Variants in ZNHIT6 observed in about 807,000 individuals in gnomAD.
ZNHIT6 encodes the protein box C/D snoRNA protein 1.
A neutral mutation model predicts 57.2 loss-of-function variants in ZNHIT6; 45 were observed. The observed-to-expected ratio is 0.79, with a 90% CI of 0.62 to 1.01. ZNHIT6 has a LOEUF of 1.01. ZNHIT6 is among the 50% of genes least tolerant of loss of function. The pLI is 0.00. For synonymous variants in ZNHIT6, 188 were observed against 190.0 expected, an observed-to-expected ratio of 0.99 and a Z score of 0.09; for missense variants, 528 against 567.3, an observed-to-expected ratio of 0.93 and a Z score of 0.70.
At chr1:85,660,806 A>G (rs979384965) in intron 8 of ZNHIT6, among the ~76,000 whole-genome samples, 1 of 152,206 alleles carries the variant, frequency 6.6e-6, no homozygotes, top group African/African-American at 2.4e-5. Context: ...CTAAGGATGC[A>G]AAGATTTATA....
rs573431433 is a variant in ZNHIT6 at position 85,689,108 on chromosome 1, T to C, written c.1020-8204A>G. Among the ~76,000 whole-genome samples the C allele has an allele frequency of 2.8e-3, 434 of 152,318 alleles. 2 individuals are homozygous for C. The highest frequency in any genetic ancestry group is 9.8e-3 in the African/African-American group (407 of 41,576). On this transcript the variant is annotated intron_variant, in intron 5 of 9. Transcript: ENST00000370574. ...ACTAAAATTGTCAACTTGTATGACA[T>C]CTGGAAGCAGCGAATAATACCTGAT...
intron 5 of ZNHIT6, among the ~76,000 whole-genome samples, chr1:85,685,824 GC>G (rs1368277776): frequency 1.3e-5 from 2 of 152,052 alleles, no homozygotes; most frequent in Non-Finnish European, 2.9e-5. Context: ...CTCCCAAAGT[GC>G]TGAGATTACA....
At chr1:85,690,574 T>G (rs1340383616) in intron 5 of ZNHIT6, among the ~76,000 whole-genome samples, 1 of 152,156 alleles carries the variant, frequency 6.6e-6, no homozygotes, top group African/African-American at 2.4e-5. Context: ...CCATGAGTAC[T>G]CCATCACAAC....
intron 5 of ZNHIT6, among the ~76,000 whole-genome samples, chr1:85,700,970 C>T (rs886898074): frequency 5.3e-5 from 8 of 152,078 alleles, no homozygotes; most frequent in African/African-American, 1.4e-4. Flanking sequence ...CTGCACCTGG[C>T]TAATTTTTGT....
At chr1:85,700,518 A>G (rs112547480) in intron 5 of ZNHIT6, among the ~76,000 whole-genome samples, 5 of 152,330 alleles carry the variant, frequency 3.3e-5, no homozygotes, top group African/African-American at 1.2e-4. Flanking sequence ...AAATATACTG[A>G]GTGTAATATT....
At chr1:85,693,318 GA>G (rs1157014281) in intron 5 of ZNHIT6, among the ~76,000 whole-genome samples, 4 of 151,938 alleles carry the variant, frequency 2.6e-5, no homozygotes, top group South Asian at 2.1e-4. Context: ...AATTACTGAA[GA>G]AAAAAAGGAA....
intron 5 of ZNHIT6, among the ~76,000 whole-genome samples, chr1:85,691,668 A>T (rs1475737330): frequency 1.3e-5 from 2 of 152,100 alleles, no homozygotes; most frequent in African/African-American, 2.4e-5. Context: ...AGGCCGAGGC[A>T]GGCGGATCAC....
intron 8 of ZNHIT6, among the ~76,000 whole-genome samples, chr1:85,670,907 A>C (rs1021812581): frequency 6.6e-6 from 1 of 152,202 alleles, no homozygotes; most frequent in African/African-American, 2.4e-5. Flanking sequence ...GTAATAGAAA[A>C]TGCGTACCAA....
rs371362617 is a variant in ZNHIT6, at chr1:85,657,893, A to G, written c.1326T>C (p.His442=). ...CATTATTGGATCCTTTCAATACCACATGTAATGTTGGATACTCAATGATCA... is the reference window on the plus strand; with the variant it reads ...CATTATTGGATCCTTTCAATACCACGTGTAATGTTGGATACTCAATGATCA... The part of the protein sequence containing the change: ...NKVIIEYPTL[H]VVLKGSNNDM... Residue 442 remains histidine, a synonymous_variant, in exon 9 of 10, where the codon CAT becomes CAC. Coordinates refer to ENST00000370574, the MANE Select transcript of ZNHIT6 (RefSeq NM_017953.4). The G allele has an allele frequency of 8.1e-6, 13 of 1,607,034 alleles. No homozygotes were observed. In the African/African-American group the frequency reaches 1.7e-4, roughly 21 times the overall value.
Position 85,657,964 on chromosome 1 carries a change from C to A in ZNHIT6, c.1255G>T (p.Glu419Ter). Residue 419 changes from glutamate to a stop codon, truncating the protein, a stop_gained, in exon 9 of 10, where the codon GAA (glutamate) becomes TAA (stop). Transcript: ENST00000370574. LOFTEE classifies it high-confidence loss of function. ...YMQQNLVRYYELDPYKSLLDN... is the reference protein window; with the variant it reads ...YMQQNLVRYY ...AGGAGACTTTTATAAGGATCTAGTT[C>A]ATAATATCTTATTAATAAAAAAAAA... 1 of 1,474,466 alleles carries A rather than the reference C, an allele frequency of 6.8e-7. No individual in the cohort carries two copies. Among genetic ancestry groups the A allele is most frequent in the South Asian group, 1.3e-5 (1 of 76,244 alleles). 91.3% of individuals were successfully genotyped at this position (1,474,466 alleles called of 1,614,324 possible).
At position 85,708,019 on chromosome 1, in the gene ZNHIT6, T is replaced by C. The variant is rs1430758694; in HGVS notation, c.266A>G (p.Glu89Gly). Residue 89 changes from glutamate (E) to glycine (G), a missense_variant, in exon 1 of 10, where the codon GAA (glutamate) becomes GGA (glycine). Coordinates refer to ENST00000370574, the MANE Select transcript of ZNHIT6 (RefSeq NM_017953.4). ...TACCCACTGGCCAGCCAACCTGCCT[T>C]CTGTACCTGGCCAGTCTATAATTTC... ...KQEIIDWPGT[E>G]GRLAGQWVEQ... 6.2e-6 allele frequency: 10 copies of C among 1,614,184 alleles called. No homozygotes were observed. Among genetic ancestry groups the C allele is most frequent in the Non-Finnish European group, 8.5e-6 (10 of 1,180,038 alleles).
chr1:85,681,381 T>C (rs1661868692), intron 5 of ZNHIT6, among the ~76,000 whole-genome samples: 1 of 152,242 alleles, frequency 6.6e-6, no homozygotes, highest in African/African-American at 2.4e-5. Flanking sequence ...TACAGTCTTT[T>C]TGCTTTCAGG....
intron 4 of ZNHIT6, among the ~76,000 whole-genome samples, chr1:85,704,696 T>C (rs1248997094): frequency 1.3e-5 from 2 of 152,160 alleles, no homozygotes; most frequent in Non-Finnish European, 2.9e-5. Flanking sequence ...AGAGTTGCTA[T>C]ATGAATAATT....
At chr1:85,684,617 C>T (rs1022366289) in intron 5 of ZNHIT6, among the ~76,000 whole-genome samples, 5 of 152,098 alleles carry the variant, frequency 3.3e-5, no homozygotes, top group Non-Finnish European at 5.9e-5. Context: ...ATATTTTATA[C>T]TCATTTTCAG....
intron 5 of ZNHIT6, among the ~76,000 whole-genome samples, chr1:85,699,569 C>T (rs1433646163): frequency 1.3e-5 from 2 of 152,054 alleles, no homozygotes; most frequent in East Asian, 3.9e-4. Flanking sequence ...TAATATTCAA[C>T]AAAAGTTAAG....
At chr1:85,667,961 A>AATATATATATATAT (rs1553155849) in intron 8 of ZNHIT6, among the ~76,000 whole-genome samples, 9 of 18,184 alleles carry the variant, frequency 4.9e-4, no homozygotes, top group African/African-American at 1.9e-3. Context: ...AAAAAAAAAA[A>AATATATATATATAT]ATATATATAT....
intron 8 of ZNHIT6, among the ~76,000 whole-genome samples, chr1:85,661,489 T>G (rs1661222627): frequency 6.6e-6 from 1 of 152,238 alleles, no homozygotes; most frequent in Non-Finnish European, 1.5e-5. Context: ...ATAGAAACTC[T>G]AGTTCAGGAC....
At chr1:85,678,652 A>G in intron 7 of ZNHIT6, 49 bp downstream of exon 7, 1 of 1,254,324 alleles carries the variant, frequency 8.0e-7, no homozygotes, top group Admixed American at 2.0e-5. Context: ...TAATAAGTAC[A>G]TCAACATTTT....
intron 5 of ZNHIT6, among the ~76,000 whole-genome samples, chr1:85,697,468 G>C (rs1662409323): frequency 6.6e-6 from 1 of 152,092 alleles, no homozygotes; most frequent in African/African-American, 2.4e-5. Flanking sequence ...ATGGCAAGCT[G>C]TTTCAACTCT....
Sources: gnomAD v4.1 joint callset for allele counts (sites outside exome capture counted in the v4.1 genomes callset) on GRCh38, gnomAD v4.1.1 for gene constraint, MANE v1.5 for transcripts, NCBI Gene and HGNC (gene_info 2026-07-23, HGNC 2026-07-21) for gene names.